The following ITPR1 variants were observed in gnomAD, a reference collection of about 807,000 sequenced individuals.
The protein encoded by ITPR1 is inositol 1,4,5-trisphosphate receptor type 1, also known as inositol 1,4,5-trisphosphate-gated calcium channel ITPR1.
A neutral mutation model predicts 318.4 loss-of-function variants in ITPR1; 96 were observed. That is an observed-to-expected ratio of 0.30 (90% CI 0.26 to 0.36). The LOEUF is 0.36. ITPR1 is among the 10% of genes least tolerant of loss of function. The probability of loss-of-function intolerance (pLI) is 1.00; values close to 1 mark genes in which losing one functional copy is unlikely to be tolerated. For synonymous variants in ITPR1, 1,312 were observed against 1,289.9 expected (o/e 1.02, Z -0.37); for missense variants, 2,440 against 3,460.2 (o/e 0.71, Z 7.40).
intron 30 of ITPR1, among the ~76,000 whole-genome samples, chr3:4,686,985 G>A (rs1209280690): frequency 6.6e-6 from 1 of 152,186 alleles, no homozygotes; most frequent in Non-Finnish European, 1.5e-5. Flanking sequence ...TGCTATTAAT[G>A]TCCTTGTAAA....
chr3:4,837,216 A>G lies in ITPR1; in HGVS notation c.8190+281A>G, dbSNP rs115022525. ...AAAAAAAAGGAGGGAAATGCAGACT[A>G]CTTCAGTGAAGTACTGTCCAAAAAC... On this transcript the variant is annotated intron_variant, in intron 61 of 61. Coordinates refer to ENST00000649015, the MANE Select transcript of ITPR1 (RefSeq NM_001378452.1). Among the ~76,000 whole-genome samples the G allele has an allele frequency of 1.9e-3, 282 of 152,310 alleles. 2 individuals are homozygous for G. Among genetic ancestry groups the G allele is most frequent in the South Asian group, 0.018 (85 of 4,828 alleles).
At chr3:4,496,315 ATGTGTG>A (rs61120521) in intron 2 of ITPR1, among the ~76,000 whole-genome samples, 3 of 151,150 alleles carry the variant, frequency 2.0e-5, no homozygotes, top group East Asian at 1.9e-4. Flanking sequence ...TTTCAAGTTC[ATGTGTG>A]TGTGTGTGTG....
chr3:4,507,618 A>T (rs2081488347), intron 2 of ITPR1, among the ~76,000 whole-genome samples: 1 of 152,240 alleles, frequency 6.6e-6, no homozygotes, highest in East Asian at 1.9e-4. Flanking sequence ...GCAAGATTAT[A>T]CCAAGCAGTC....
At chr3:4,619,128 G>C (rs1245309800) in intron 4 of ITPR1, among the ~76,000 whole-genome samples, 1 of 152,156 alleles carries the variant, frequency 6.6e-6, no homozygotes, top group African/African-American at 2.4e-5. Context: ...TGAGATGTCT[G>C]ATGTTATTCT....
Position 4,693,596 on chromosome 3 carries a change from G to A in ITPR1, c.4136G>A (p.Ser1379Asn). 6.2e-7 allele frequency: 1 copy of A among 1,614,046 alleles called. No homozygotes were observed. The highest frequency in any genetic ancestry group is 8.5e-7 in the Non-Finnish European group (1 of 1,179,882). Reference protein sequence around the residue: ...RSERDRMDENSPLMYHIHLVE... With the variant: ...RSERDRMDENNPLMYHIHLVE... ...GAACGGGATCGGATGGATGAGAACA[G>A]CCCTCTCATGTACCACATCCACTTG... is the stretch of plus-strand genomic sequence containing the variant. Residue 1379 changes from serine (S) to asparagine (N), a missense_variant, in exon 33 of 62, where the codon AGC becomes AAC. This residue lies in a region of ITPR1 where 222 missense variants were observed against 318.8 expected (regional missense o/e 0.70). Coordinates refer to ENST00000649015, the MANE Select transcript of ITPR1 (RefSeq NM_001378452.1).
chr3:4,591,437 G>T (rs2090391376), intron 4 of ITPR1, among the ~76,000 whole-genome samples: 1 of 152,180 alleles, frequency 6.6e-6, no homozygotes, highest in South Asian at 2.1e-4. Context: ...GTGTGAGATG[G>T]TATCTCATTG....
At chr3:4,840,617 T>C (rs1487343574) in intron 61 of ITPR1, among the ~76,000 whole-genome samples, 1 of 152,216 alleles carries the variant, frequency 6.6e-6, no homozygotes, top group African/African-American at 2.4e-5. Flanking sequence ...GGAAAAAAGT[T>C]CTTGTTAGGA....
At chr3:4,616,717 A>C (rs1268355975) in intron 4 of ITPR1, among the ~76,000 whole-genome samples, 1 of 152,208 alleles carries the variant, frequency 6.6e-6, no homozygotes, top group African/African-American at 2.4e-5. Context: ...AACTCCAGCC[A>C]GAGTGTTGCC....
At chr3:4,691,993 A>T (rs1408408190) in intron 32 of ITPR1, among the ~76,000 whole-genome samples, 1 of 152,186 alleles carries the variant, frequency 6.6e-6, no homozygotes, top group East Asian at 1.9e-4. Flanking sequence ...TTTCTACAAA[A>T]AATTTTAAAA....
chr3:4,597,720 G>C (rs915568141), intron 4 of ITPR1, among the ~76,000 whole-genome samples: 4 of 152,234 alleles, frequency 2.6e-5, no homozygotes, highest in Non-Finnish European at 4.4e-5. Context: ...TAGAGGTAAA[G>C]TCCAGGTTAA....
At chr3:4,613,721 T>C (rs1328483042) in intron 4 of ITPR1, among the ~76,000 whole-genome samples, 1 of 152,208 alleles carries the variant, frequency 6.6e-6, no homozygotes, top group African/African-American at 2.4e-5. Context: ...AAAATTTGTT[T>C]TCCATTATCA....
intron 5 of ITPR1, among the ~76,000 whole-genome samples, chr3:4,632,634 A>G (rs2093048292): frequency 6.6e-6 from 1 of 152,184 alleles, no homozygotes; most frequent in Admixed American, 6.5e-5. Flanking sequence ...TACACTCAAC[A>G]CCAAAAGAAA....
At chr3:4,818,387 C>A in intron 60 of ITPR1, 145 bp downstream of exon 60, 1 of 581,800 alleles carries the variant, frequency 1.7e-6, no homozygotes, top group Non-Finnish European at 2.9e-6. Flanking sequence ...GGGCGCTGTG[C>A]TCTGTGAACT....
At chr3:4,522,497 A>G (rs1234512128) in intron 4 of ITPR1, among the ~76,000 whole-genome samples, 1 of 152,206 alleles carries the variant, frequency 6.6e-6, no homozygotes, top group Non-Finnish European at 1.5e-5. Flanking sequence ...AATCAGGAGA[A>G]TGTTTTCACC....
At chr3:4,778,042 G>A (rs911053316) in intron 48 of ITPR1, among the ~76,000 whole-genome samples, 1 of 152,186 alleles carries the variant, frequency 6.6e-6, no homozygotes, top group African/African-American at 2.4e-5. Flanking sequence ...CAGCTTAACG[G>A]AATGAAAATC....
Position 4,653,977 on chromosome 3 carries a change from C to T in ITPR1, c.996+91C>T, listed in dbSNP as rs41308220. On this transcript the variant is annotated intron_variant, in intron 12 of 61. Coordinates refer to ENST00000649015, the MANE Select transcript of ITPR1 (RefSeq NM_001378452.1). ...ATTTAAGAAACTGTCACTGTGGTCACGGAGTGCTGGGGAAGGAGGAACCTT... is the reference window on the plus strand; with the variant it reads ...ATTTAAGAAACTGTCACTGTGGTCATGGAGTGCTGGGGAAGGAGGAACCTT... 2,971 of 911,950 alleles carry T rather than the reference C, an allele frequency of 3.3e-3. 9 individuals are homozygous for T. Among genetic ancestry groups the T allele is most frequent in the Non-Finnish European group, 3.7e-3 (2,157 of 576,602 alleles). The allele number at this position is 911,950 out of a possible 1,614,324, so 56.5% of individuals were successfully genotyped here.
intron 31 of ITPR1, among the ~76,000 whole-genome samples, chr3:4,690,302 T>A (rs1219863966): frequency 2.0e-5 from 3 of 152,052 alleles, no homozygotes; most frequent in Non-Finnish European, 4.4e-5. Context: ...AATAAGAACG[T>A]AAAGGCAAAA....
intron 48 of ITPR1, among the ~76,000 whole-genome samples, chr3:4,778,306 A>G (rs1157818778): frequency 6.6e-6 from 1 of 152,182 alleles, no homozygotes; most frequent in Non-Finnish European, 1.5e-5. Flanking sequence ...AACTGTTCCC[A>G]TGTCAGGGCA....
chr3:4,714,171 C>T (rs1164197115), intron 39 of ITPR1, among the ~76,000 whole-genome samples: 1 of 151,958 alleles, frequency 6.6e-6, no homozygotes, highest in African/African-American at 2.4e-5. Flanking sequence ...AAGCATGACG[C>T]ACAGGGCAGG....
Sources: gnomAD v4.1 joint callset for allele counts (sites outside exome capture counted in the v4.1 genomes callset) on GRCh38, gnomAD v4.1.1 for gene constraint, gnomAD v4.1.1 regional missense constraint, MANE v1.5 for transcripts, NCBI Gene and HGNC (gene_info 2026-07-23, HGNC 2026-07-21) for gene names.